Variants in SLC1A5 observed in about 807,000 individuals in gnomAD.
The protein encoded by SLC1A5 is solute carrier family 1 member 5.
A neutral mutation model predicts 34.9 loss-of-function variants in SLC1A5; 25 were observed. The observed-to-expected ratio is 0.72, with a 90% CI of 0.52 to 1.00. The LOEUF (loss-of-function observed/expected upper bound fraction) is 1.00, where lower values mean the gene tolerates loss of function less well. Ranked by LOEUF, SLC1A5 falls within the 50% of genes least tolerant of loss-of-function variation. SLC1A5 has a pLI of 0.00. For missense variants in SLC1A5, 637 were observed against 740.0 expected (o/e 0.86, Z 1.61); for synonymous variants, 351 against 341.2 (o/e 1.03, Z -0.32).
At position 46,776,456 on chromosome 19, in the gene SLC1A5, C is replaced by T. The variant is rs2055089861; in HGVS notation, c.1388+519G>A. Reference sequence around the variant, plus strand: ...CTCCTAACCTCAAATAATCCACCTGCCTGGGCCTCCCAAAATGTTGGGATT... The same window carrying T: ...CTCCTAACCTCAAATAATCCACCTGTCTGGGCCTCCCAAAATGTTGGGATT... On this transcript the variant is annotated intron_variant, in intron 7 of 7. Coordinates refer to ENST00000542575, the MANE Select transcript of SLC1A5 (RefSeq NM_005628.3). Among the ~76,000 whole-genome samples the T allele has an allele frequency of 3.3e-5, 5 of 152,130 alleles. 1 individual carries two copies. The South Asian group carries it at 8.3e-4, about 25-fold the overall frequency.
rs201988780 is a variant in SLC1A5, at chr19:46,782,428, T to C, written c.779A>G (p.Asn260Ser). Residue 260 changes from asparagine to serine, a missense_variant, in exon 4 of 8, where the codon AAC becomes AGC. Asn to Ser is a conservative substitution (Grantham distance 46, BLOSUM62 1). Transcript: ENST00000542575. ...PEGELLIRFF[N>S]SFNEATMVLV... ...AACCATGGTGGCCTCATTGAAGGAG[T>C]TGAAGAAGCGGATAAGCAGCTCCCC... is the stretch of plus-strand genomic sequence containing the variant. 1 of 1,539,446 alleles carries C rather than the reference T, an allele frequency of 6.5e-7. No individual in the cohort carries two copies.
chr19:46,775,299 G>C lies in SLC1A5; in HGVS notation c.*211C>G. The C allele has an allele frequency of 1.5e-6, 2 of 1,340,594 alleles. No homozygotes were observed. Among genetic ancestry groups the C allele is most frequent in the Non-Finnish European group, 1.9e-6 (2 of 1,044,994 alleles). The allele number at this position is 1,340,594 out of a possible 1,614,324, so 83.0% of individuals were successfully genotyped here. A position where few individuals can be genotyped will look rare whatever the true frequency, so the allele number is the denominator to read the frequency against. On this transcript the variant is annotated 3_prime_UTR_variant, in exon 8 of 8. Transcript: ENST00000542575. The stretch of plus-strand genomic sequence containing the variant: ...AGCCTTGAGTTGGGGACATGAGTGA[G>C]AACTGGGGGTTTTGAGGAGTAACCC...
Position 46,778,853 on chromosome 19 carries a change from C to T in SLC1A5, c.880G>A (p.Asp294Asn). The T allele has an allele frequency of 1.2e-6, 2 of 1,601,702 alleles. No individual in the cohort carries two copies. The highest frequency in any genetic ancestry group is 1.1e-5 in the South Asian group (1 of 88,878). Reference sequence around the variant, plus strand: ...AGGCGGGCAAAGAGTAAACCCACATCCTCCATCTCCACGATCTTGCCAGCC... The same window carrying T: ...AGGCGGGCAAAGAGTAAACCCACATTCTCCATCTCCACGATCTTGCCAGCC... ...LVAGKIVEME[D>N]VGLLFARLGK... The change falls in exon 5 of 8, where the codon GAT becomes AAT. Residue 294 changes from aspartate to asparagine, a missense_variant. Transcript: ENST00000542575.
chr19:46,784,240 C>T, intron 2 of SLC1A5, 96 bp from the exon 3 acceptor site: 1 of 968,964 alleles, frequency 1.0e-6, no homozygotes. Context: ...CCTTCCACAT[C>T]CTTTCAATGT....
In SLC1A5 at chr19:46,777,212, G is replaced by A; in HGVS notation, c.1252C>T (p.Leu418=). 6.2e-7 allele frequency: 1 copy of A among 1,603,710 alleles called. No homozygotes were observed. The highest frequency in any genetic ancestry group is 1.3e-5 in the African/African-American group (1 of 74,838). ...CATCCGCAGCCCCCTGACACTCACA[G>A]GATGGTGATGATCTTTACGAAGTCC... ...SLDFVKIITI[L]VTATASSVGA... is the part of the protein sequence containing the mutation. The change falls in exon 6 of 8, where the codon CTG becomes TTG. Residue 418 remains leucine, a splice_region_variant and synonymous_variant. Transcript: ENST00000542575.
In SLC1A5 at chr19:46,775,711, G is replaced by A. The variant is rs762659867; in HGVS notation, c.1425C>T (p.Asp475=). The change falls in exon 8 of 8, where the codon GAC becomes GAT. Residue 475 remains aspartate (D), a synonymous_variant. Coordinates refer to ENST00000542575, the MANE Select transcript of SLC1A5 (RefSeq NM_005628.3). ...TTTGGAGGAGTCCTGCCCCCAGAGC[G>A]TCACCTTCTACATTGAGGACGGTAC... ...RSCTVLNVEG[D]ALGAGLLQNY... is the part of the protein sequence containing the mutation. 53 of 1,613,976 alleles carry A rather than the reference G, an allele frequency of 3.3e-5. No individual in the cohort carries two copies. Among genetic ancestry groups the A allele is most frequent in the Middle Eastern group, 1.7e-4 (1 of 6,060 alleles).
intron 7 of SLC1A5, 27 bp downstream of exon 7, chr19:46,776,948 T>TGCCCCA: frequency 6.2e-7 from 1 of 1,607,698 alleles, no homozygotes; most frequent in South Asian, 1.1e-5. Context: ...CCCCTGGCCC[T>TGCCCCA]GCCCCAGTCT....
intron 1 of SLC1A5, chr19:46,784,970 G>A: frequency 1.1e-6 from 1 of 921,066 alleles, no homozygotes; most frequent in Non-Finnish European, 1.4e-6. Flanking sequence ...GGATCTGGGT[G>A]TGTTGGGAGG....
intron 1 of SLC1A5, among the ~76,000 whole-genome samples, chr19:46,786,807 G>A (rs553982005): frequency 6.6e-6 from 1 of 152,326 alleles, no homozygotes; most frequent in South Asian, 2.1e-4. Flanking sequence ...AAACGGGAGG[G>A]AAAGGCAGGG....
chr19:46,787,712 C>A lies in SLC1A5; in HGVS notation c.254G>T (p.Arg85Leu). The A allele has an allele frequency of 6.3e-7, 1 of 1,577,678 alleles. No individual in the cohort carries two copies. Among genetic ancestry groups the A allele is most frequent in the Non-Finnish European group, 8.6e-7 (1 of 1,166,518 alleles). ...AGGALALGPE[R>L]LSAFVFPGEL... ...GCCCGGGAAGACGAAGGCGCTCAAG[C>A]GCTCCGGGCCCAACGCCAGCGCACC... is the stretch of plus-strand genomic sequence containing the variant. The change falls in exon 1 of 8, where the codon CGC becomes CTC. Residue 85 changes from arginine (R) to leucine (L), a missense_variant. Physicochemically the swap from Arg to Leu is moderately radical, Grantham distance 102. Transcript: ENST00000542575. This position sits in a 1 kb window ranked among gnomAD's most constrained non-coding sequence, Gnocchi z 5.2.
At position 46,787,139 on chromosome 19, in the gene SLC1A5, C is replaced by T. The variant is rs2055192190; in HGVS notation, c.566+261G>A. 1 of 1,059,950 alleles carries T rather than the reference C, an allele frequency of 9.4e-7. No homozygotes were observed. Among genetic ancestry groups the T allele is most frequent in the Admixed American group, 3.7e-5 (1 of 26,888 alleles). 65.7% of individuals were successfully genotyped at this position (1,059,950 alleles called of 1,614,324 possible). ...GTCTTTCTCCCCTAGGCAGACCCTC[C>T]TATGTCTCCCCAAATCACTTTCTTC... On this transcript the variant is annotated intron_variant, in intron 1 of 7. Coordinates refer to ENST00000542575, the MANE Select transcript of SLC1A5 (RefSeq NM_005628.3). The surrounding 1 kb of genome is among the most constrained non-coding windows in gnomAD (Gnocchi z 5.2).
chr19:46,778,797 AC>A lies in SLC1A5; in HGVS notation c.935del (p.Gly312ValfsTer30). On this transcript the variant is annotated frameshift_variant, in exon 5 of 8. Transcript: ENST00000542575. LOFTEE classifies it high-confidence loss of function. The stretch of plus-strand genomic sequence containing the variant: ...GTACCAGGAGCCCATGGATGGCGTG[AC>A]CCAGCAGGCAGCACAGAATGTACTT... Reference protein sequence around the residue: ...LGKYILCCLLGHAIHGLLVLP... With the variant: ...LGKYILCCLLXHAIHGLLVLP... 1 of 1,613,764 alleles carries A rather than the reference AC, an allele frequency of 6.2e-7. No individual in the cohort carries two copies.
At chr19:46,782,360 C>CCCCCCCCCA (rs2122692482) in intron 4 of SLC1A5, 23 bp downstream of exon 4, 4 of 1,332,696 alleles carry the variant, frequency 3.0e-6, no homozygotes, top group Non-Finnish European at 4.2e-6. Context: ...CACCCACCCC[C>CCCCCCCCCA]AGCCTCCTCT....
chr19:46,778,640 T>A, intron 5 of SLC1A5, 35 bp downstream of exon 5: 1 of 1,382,998 alleles, frequency 7.2e-7, no homozygotes, highest in Non-Finnish European at 1.0e-6. Flanking sequence ...CTTAGCGGAT[T>A]AAACATCCCA....
At position 46,788,130 on chromosome 19, in the gene SLC1A5, G is replaced by C; in HGVS notation, c.-165C>G. 1.6e-6 allele frequency: 1 copy of C among 624,724 alleles called. No individual in the cohort carries two copies. The allele number at this position is 624,724 out of a possible 1,614,324, so 38.7% of individuals were successfully genotyped here. On this transcript the variant is annotated 5_prime_UTR_variant, in exon 1 of 8. Coordinates refer to ENST00000542575, the MANE Select transcript of SLC1A5 (RefSeq NM_005628.3). ...GAGTTCACAGCACTGAAGTTCCTTG[G>C]CTCTTGGAAGCTGGAGTGTTTAAAT...
chr19:46,787,266 A>G lies in SLC1A5; in HGVS notation c.566+134T>C. The G allele has an allele frequency of 6.9e-7, 1 of 1,457,704 alleles. No individual in the cohort carries two copies. The highest frequency in any genetic ancestry group is 9.1e-7 in the Non-Finnish European group (1 of 1,104,616). 90.3% of individuals were successfully genotyped at this position (1,457,704 alleles called of 1,614,324 possible). A position where few individuals can be genotyped will look rare whatever the true frequency, so the allele number is the denominator to read the frequency against. Reference sequence around the variant, plus strand: ...TCCCGAGGGCTGGAGCCTCCCCTCAATATCCTGTCGAGTTTTCCTAAGACT... The same window carrying G: ...TCCCGAGGGCTGGAGCCTCCCCTCAGTATCCTGTCGAGTTTTCCTAAGACT... On this transcript the variant is annotated intron_variant, in intron 1 of 7. Transcript: ENST00000542575. This position sits in a 1 kb window ranked among gnomAD's most constrained non-coding sequence, Gnocchi z 5.2.
chr19:46,777,524 AC>A, intron 5 of SLC1A5, 119 bp from the exon 6 acceptor site: 1 of 815,138 alleles, frequency 1.2e-6, no homozygotes. Flanking sequence ...AGCCCCACCC[AC>A]CCCACCCAGT....
At chr19:46,784,206 A>G in intron 2 of SLC1A5, 62 bp from the exon 3 acceptor site, 1 of 1,256,186 alleles carries the variant, frequency 8.0e-7, no homozygotes, top group Non-Finnish European at 1.2e-6. Context: ...ACCCCATGCC[A>G]AGCTAACAAT....
At chr19:46,778,650 A>ACCCAAGCCCCCC in intron 5 of SLC1A5, 25 bp downstream of exon 5, 6 of 641,660 alleles carry the variant, frequency 9.4e-6, no homozygotes, top group Admixed American at 2.0e-5. Flanking sequence ...TAAACATCCC[A>ACCCAAGCCCCCC]CCCTAGCCCA....
Sources: gnomAD v4.1 joint callset for allele counts (sites outside exome capture counted in the v4.1 genomes callset) on GRCh38, gnomAD v4.1.1 for gene constraint, Gnocchi (gnomAD v3.1) non-coding constraint, MANE v1.5 for transcripts, NCBI Gene and HGNC (gene_info 2026-07-23, HGNC 2026-07-21) for gene names.